The following SPATA16 variants were observed in gnomAD, a reference collection of about 807,000 sequenced individuals.
SPATA16 encodes spermatogenesis associated 16.
Under a neutral mutation model 63.3 loss-of-function variants are expected in SPATA16, and 36 were observed. The ratio of observed to expected loss-of-function variants is 0.57; its 90% CI spans 0.44 to 0.75. The LOEUF is 0.75. SPATA16 is among the 30% of genes least tolerant of loss of function. The probability of loss-of-function intolerance (pLI) is 0.00; values close to 1 mark genes in which losing one functional copy is unlikely to be tolerated. For missense variants in SPATA16, 646 were observed against 679.3 expected (o/e 0.95, Z 0.54); for synonymous variants, 203 against 216.7 (o/e 0.94, Z 0.56).
At chr3:172,900,453 C>A (rs1732104772) in intron 10 of SPATA16, among the ~76,000 whole-genome samples, 1 of 152,030 alleles carries the variant, frequency 6.6e-6, no homozygotes, top group African/African-American at 2.4e-5. Context: ...TTGTCTTTTG[C>A]CAAATTTGGG....
intron 6 of SPATA16, among the ~76,000 whole-genome samples, chr3:172,950,684 G>A (rs571795726): frequency 6.6e-6 from 1 of 152,202 alleles, no homozygotes; most frequent in African/African-American, 2.4e-5. Flanking sequence ...AATGATGACT[G>A]AACAAGAACA....
chr3:173,068,763 A>T (rs972930298), intron 2 of SPATA16, among the ~76,000 whole-genome samples: 11 of 151,962 alleles, frequency 7.2e-5, no homozygotes, highest in Non-Finnish European at 1.5e-4. Context: ...GAACAACCTA[A>T]TGATATATTG....
intron 3 of SPATA16, among the ~76,000 whole-genome samples, chr3:173,032,245 A>C (rs370038055): frequency 6.6e-6 from 1 of 152,086 alleles, no homozygotes; most frequent in Admixed American, 6.6e-5. Context: ...TAAATTATTG[A>C]ATTATCTCAA....
intron 2 of SPATA16, among the ~76,000 whole-genome samples, chr3:173,085,775 T>C (rs1737035473): frequency 6.6e-6 from 1 of 152,200 alleles, no homozygotes; most frequent in African/African-American, 2.4e-5. Context: ...GAGATAATCA[T>C]ATGGTTTTTG....
At position 173,130,358 on chromosome 3, in the gene SPATA16, CAAAAAAA is replaced by C. The variant is rs1202660573; in HGVS notation, c.-19+10738_-19+10744del. Among the ~76,000 whole-genome samples, 37 of 39,918 alleles carry C rather than the reference CAAAAAAA, an allele frequency of 9.3e-4. No individual in the cohort carries two copies. In the South Asian group the frequency reaches 9.3e-3, roughly 10 times the overall value. The allele number at this position is 39,918 out of a possible 152,430, so 26.2% of individuals were successfully genotyped here. On this transcript the variant is annotated intron_variant, in intron 1 of 10. Coordinates refer to ENST00000351008, the MANE Select transcript of SPATA16 (RefSeq NM_031955.6). ...CTGGCGACAGAGTGAGACTTCGTCT[CAAAAAAA>C]AAAAAAAAAAAAAAAAAAGAAATTC...
chr3:172,994,947 G>A (rs1404874406), intron 4 of SPATA16, among the ~76,000 whole-genome samples: 1 of 152,030 alleles, frequency 6.6e-6, no homozygotes, highest in Non-Finnish European at 1.5e-5. Flanking sequence ...TGCTTGAAAT[G>A]CCTGTAATAC....
chr3:172,910,904 C>G (rs1371216333), intron 10 of SPATA16, among the ~76,000 whole-genome samples: 3 of 152,250 alleles, frequency 2.0e-5, no homozygotes. Context: ...TGCCAGCACC[C>G]TATGTGAACA....
At chr3:173,124,928 A>G (rs1338440069) in intron 1 of SPATA16, among the ~76,000 whole-genome samples, 1 of 152,108 alleles carries the variant, frequency 6.6e-6, no homozygotes, top group African/African-American at 2.4e-5. Context: ...ACCATCATAC[A>G]TACCTAACTA....
chr3:173,075,208 A>G (rs1736769964), intron 2 of SPATA16, among the ~76,000 whole-genome samples: 2 of 151,878 alleles, frequency 1.3e-5, no homozygotes, highest in African/African-American at 4.8e-5. Flanking sequence ...TATAAAATGT[A>G]GAAGAGGAAA....
intron 1 of SPATA16, among the ~76,000 whole-genome samples, chr3:173,134,035 A>T (rs1274748300): frequency 6.6e-6 from 1 of 152,238 alleles, no homozygotes; most frequent in East Asian, 1.9e-4. Flanking sequence ...TTGAAGAAGA[A>T]CAAAGCTGAC....
chr3:172,903,664 C>G (rs578099670), intron 10 of SPATA16, among the ~76,000 whole-genome samples: 24 of 152,298 alleles, frequency 1.6e-4, no homozygotes, highest in Admixed American at 1.4e-3. Context: ...TAAGCTGTTT[C>G]CTTGAAGTTC....
chr3:173,095,799 G>A (rs1475779162), intron 2 of SPATA16, among the ~76,000 whole-genome samples: 1 of 152,144 alleles, frequency 6.6e-6, no homozygotes, highest in Non-Finnish European at 1.5e-5. Flanking sequence ...ATAGAACTGT[G>A]CTACCACATG....
intron 10 of SPATA16, among the ~76,000 whole-genome samples, chr3:172,911,817 C>T (rs1424952235): frequency 2.0e-5 from 3 of 152,156 alleles, no homozygotes; most frequent in Non-Finnish European, 2.9e-5. Context: ...TTCTTAGGTC[C>T]GTCTGCTTTC....
intron 6 of SPATA16, among the ~76,000 whole-genome samples, chr3:172,946,341 G>C (rs1315440147): frequency 6.6e-6 from 1 of 152,156 alleles, no homozygotes; most frequent in Non-Finnish European, 1.5e-5. Flanking sequence ...AAGAGTAAAG[G>C]GAACTCTGTT....
At chr3:173,097,349 T>G (rs539546856) in intron 2 of SPATA16, among the ~76,000 whole-genome samples, 1 of 152,274 alleles carries the variant, frequency 6.6e-6, no homozygotes, top group South Asian at 2.1e-4. Flanking sequence ...AAGTACTTTC[T>G]TTAAGTCAAA....
At chr3:173,094,832 C>A (rs988422198) in intron 2 of SPATA16, among the ~76,000 whole-genome samples, 1 of 152,116 alleles carries the variant, frequency 6.6e-6, no homozygotes, top group Non-Finnish European at 1.5e-5. Context: ...AGCCTCGGAG[C>A]AGCTCCGTTT....
intron 5 of SPATA16, among the ~76,000 whole-genome samples, chr3:172,971,121 A>C (rs2108246724): frequency 6.6e-6 from 1 of 152,274 alleles, no homozygotes; most frequent in South Asian, 2.1e-4. Context: ...TTAGGAGGCT[A>C]AGAACTTGGA....
chr3:172,942,425 T>A (rs1733175084), intron 6 of SPATA16, among the ~76,000 whole-genome samples: 1 of 152,114 alleles, frequency 6.6e-6, no homozygotes, highest in Admixed American at 6.5e-5. Flanking sequence ...TTTATTAATA[T>A]CAGACAAAAT....
At chr3:172,935,242 A>G (rs1560071906) in intron 6 of SPATA16, among the ~76,000 whole-genome samples, 1 of 152,190 alleles carries the variant, frequency 6.6e-6, no homozygotes, top group Non-Finnish European at 1.5e-5. Context: ...AGGTGTGAGG[A>G]TTGCTTGAGG....
Sources: gnomAD v4.1 joint callset for allele counts (sites outside exome capture counted in the v4.1 genomes callset) on GRCh38, gnomAD v4.1.1 for gene constraint, MANE v1.5 for transcripts, NCBI Gene and HGNC (gene_info 2026-07-23, HGNC 2026-07-21) for gene names.